The following GDA variants were observed in gnomAD, a reference collection of about 807,000 sequenced individuals.
GDA encodes the protein guanine deaminase.
GDA carries 18 observed loss-of-function variants against 59.6 expected under a neutral mutation model. That is an observed-to-expected ratio of 0.30 (90% CI 0.21 to 0.45). The LOEUF (loss-of-function observed/expected upper bound fraction) is 0.45. Ranked by LOEUF, GDA falls within the 20% of genes least tolerant of loss-of-function variation. The pLI is 1.00. For missense variants in GDA, 427 were observed against 552.3 expected, an observed-to-expected ratio of 0.77 and a Z score of 2.27; for synonymous variants, 201 against 201.1, an observed-to-expected ratio of 1.00 and a Z score of 0.00.
chr9:72,216,367 GA>G (rs2131508385), intron 5 of GDA, among the ~76,000 whole-genome samples: 1 of 152,284 alleles, frequency 6.6e-6, no homozygotes, highest in South Asian at 2.1e-4. Context: ...AAGAAAAGGG[GA>G]AAAACTGGGT....
chr9:72,214,391 G>A (rs1316926743), intron 5 of GDA, among the ~76,000 whole-genome samples: 3 of 151,902 alleles, frequency 2.0e-5, no homozygotes, highest in Non-Finnish European at 4.4e-5. Context: ...TGCCTCCTGG[G>A]TTCAAGCGAT....
chr9:72,154,806 A>G (rs901187554), intron 1 of GDA, among the ~76,000 whole-genome samples: 7 of 152,194 alleles, frequency 4.6e-5, no homozygotes, highest in African/African-American at 7.2e-5. Flanking sequence ...TCTCTAGGGC[A>G]CAGTCCTGGA....
intron 5 of GDA, among the ~76,000 whole-genome samples, chr9:72,215,466 A>G (rs1415105190): frequency 6.6e-6 from 1 of 152,190 alleles, no homozygotes; most frequent in Non-Finnish European, 1.5e-5. Flanking sequence ...TTCTGGATGT[A>G]TGCTGTAATG....
chr9:72,144,219 C>G (rs573836606), intron 1 of GDA, among the ~76,000 whole-genome samples: 16 of 152,184 alleles, frequency 1.1e-4, no homozygotes, highest in Non-Finnish European at 2.2e-4. Flanking sequence ...GAGACTCTAC[C>G]TCAAAATACT....
At chr9:72,221,225 G>A (rs1836814513) in intron 6 of GDA, among the ~76,000 whole-genome samples, 1 of 152,058 alleles carries the variant, frequency 6.6e-6, no homozygotes, top group African/African-American at 2.4e-5. Context: ...AAATGGAATC[G>A]GCTATCACCT....
downstream of GDA, among the ~76,000 whole-genome samples, chr9:72,254,201 C>G (rs1840836067): frequency 6.6e-6 from 1 of 152,158 alleles, no homozygotes; most frequent in Non-Finnish European, 1.5e-5. Flanking sequence ...TAAACTAATT[C>G]AGACTTATCA....
intron 5 of GDA, among the ~76,000 whole-genome samples, chr9:72,219,275 T>C (rs562942919): frequency 1.4e-4 from 22 of 151,936 alleles, no homozygotes; most frequent in Admixed American, 3.3e-4. Context: ...TGGTGGCGGG[T>C]GCCTGTAGTC....
intron 1 of GDA, among the ~76,000 whole-genome samples, chr9:72,127,636 C>CAA (rs369132489): frequency 1.7e-5 from 2 of 120,846 alleles, no homozygotes; most frequent in East Asian, 6.1e-4. Flanking sequence ...GACTCTGTCT[C>CAA]AAAAAAAAAA....
At chr9:72,148,573 G>A (rs918660199), upstream of GDA, among the ~76,000 whole-genome samples, 26 of 152,128 alleles carry the variant, frequency 1.7e-4, no homozygotes, top group African/African-American at 6.3e-4. Context: ...GGGATTAGGG[G>A]CAGAAGGAAC....
In GDA at chr9:72,213,600, G is replaced by A. The variant is rs533870060; in HGVS notation, c.473-286G>A. 6.6e-5 allele frequency among the ~76,000 whole-genome samples: 10 copies of A among 151,662 alleles called. No individual in the cohort carries two copies. In the East Asian group the frequency reaches 1.6e-3, roughly 24 times the overall value. ...GGGCGGATCACAAGGTCAGGAGATC[G>A]AGACCATCTTGGCTAACACGGTGAA... is the stretch of plus-strand genomic sequence containing the variant. On this transcript the variant is annotated intron_variant, in intron 4 of 13. Coordinates refer to ENST00000358399, the MANE Select transcript of GDA (RefSeq NM_004293.5).
chr9:72,123,443 A>G (rs1489342139), intron 1 of GDA, among the ~76,000 whole-genome samples: 2 of 148,846 alleles, frequency 1.3e-5, no homozygotes, highest in African/African-American at 5.0e-5. Context: ...TTGGCCTCTC[A>G]AAGTGCTGGG....
chr9:72,242,979 G>A lies in GDA; in HGVS notation c.1135+1681G>A, dbSNP rs146448397. Among the ~76,000 whole-genome samples the A allele has an allele frequency of 2.9e-3, 437 of 152,222 alleles. 2 individuals are homozygous for A. Among genetic ancestry groups the A allele is most frequent in the African/African-American group, 0.01 (427 of 41,536 alleles). Reference sequence around the variant, plus strand: ...CAAATCATTTCTACTTTGCTGTGTAGCTTTTAAATCTATTTTCTGGGTCAC... The same window carrying A: ...CAAATCATTTCTACTTTGCTGTGTAACTTTTAAATCTATTTTCTGGGTCAC... On this transcript the variant is annotated intron_variant, in intron 11 of 13. Coordinates refer to ENST00000358399, the MANE Select transcript of GDA (RefSeq NM_004293.5).
chr9:72,244,893 A>T (rs183512164), intron 11 of GDA, among the ~76,000 whole-genome samples: 3 of 152,336 alleles, frequency 2.0e-5, no homozygotes, highest in Non-Finnish European at 4.4e-5. Context: ...AAATAGAGAC[A>T]TACCAGAGTT....
intron 8 of GDA, among the ~76,000 whole-genome samples, chr9:72,227,050 G>A (rs1454880465): frequency 1.3e-5 from 2 of 152,128 alleles, no homozygotes; most frequent in African/African-American, 2.4e-5. Flanking sequence ...CCCAGGAGGC[G>A]GAGCTTGCAG....
chr9:72,229,171 TAAAAAAAAAAAAAAAA>T (rs34554102), intron 9 of GDA: 1 of 42,104 alleles, frequency 2.4e-5, no homozygotes, highest in African/African-American at 1.0e-4. Flanking sequence ...CAGTCTCTAC[TAAAAAAAAAAAAAAAA>T]AAAAAAAAAA....
intron 2 of GDA, among the ~76,000 whole-genome samples, chr9:72,198,598 A>G (rs1833504553): frequency 6.6e-6 from 1 of 151,904 alleles, no homozygotes; most frequent in Non-Finnish European, 1.5e-5. Flanking sequence ...AATAAAGACA[A>G]GATGTTGTTT....
At chr9:72,127,948 TTTC>T (rs543779539) in intron 1 of GDA, among the ~76,000 whole-genome samples, 47 of 152,322 alleles carry the variant, frequency 3.1e-4, no homozygotes, top group Admixed American at 1.6e-3. Flanking sequence ...GTTTGTTCTT[TTTC>T]TTATCTGTTG....
At chr9:72,214,016 T>G in intron 5 of GDA, 25 bp downstream of exon 5, 2 of 1,262,980 alleles carry the variant, frequency 1.6e-6, no homozygotes, top group Non-Finnish European at 2.3e-6. Flanking sequence ...TGTCTTGATT[T>G]GTCTTACAGG....
intron 1 of GDA, among the ~76,000 whole-genome samples, chr9:72,117,828 G>T (rs1825509403): frequency 6.6e-6 from 1 of 152,138 alleles, no homozygotes; most frequent in Non-Finnish European, 1.5e-5. Context: ...ACAAAAGTGG[G>T]TTCTGCAAGC....
Sources: allele counts gnomAD v4.1 joint callset (sites outside exome capture counted in the v4.1 genomes callset), GRCh38; gene constraint gnomAD v4.1.1; transcripts MANE v1.5; gene names NCBI Gene and HGNC (gene_info 2026-07-23, HGNC 2026-07-21).